SPG11: variants seen among roughly 807,000 people sequenced by gnomAD.
SPG11 encodes SPG11 vesicle trafficking associated, spatacsin, also known as spatacsin.
In SPG11, 222 loss-of-function variants were observed where a neutral mutation model predicts 274.0. The observed-to-expected ratio is 0.81, with a 90% CI of 0.73 to 0.91. The LOEUF (loss-of-function observed/expected upper bound fraction) is 0.91. Among genes scored for constraint, SPG11 ranks in the 40% least tolerant of loss-of-function variants. The pLI is 0.00. For missense variants in SPG11, 3,114 were observed against 2,872.7 expected (o/e 1.08, Z -1.92); for synonymous variants, 1,144 against 1,039.7 (o/e 1.10, Z -1.93).
At chr15:44,634,467 A>C (rs916339743) in intron 7 of SPG11, among the ~76,000 whole-genome samples, 11 of 149,944 alleles carry the variant, frequency 7.3e-5, no homozygotes, top group Non-Finnish European at 1.3e-4. Context: ...TGTATTTTTA[A>C]TAGACGGGTT....
At chr15:44,622,470 A>G (rs2083781041) in intron 12 of SPG11, 123 bp from the exon 13 acceptor site, 1 of 839,352 alleles carries the variant, frequency 1.2e-6, no homozygotes, top group South Asian at 1.7e-5. Context: ...AAGTCATGAG[A>G]TAATATGCCA....
chr15:44,566,244 C>T lies in SPG11; in HGVS notation c.6816G>A (p.Met2272Ile). 6.2e-7 allele frequency: 1 copy of T among 1,614,238 alleles called. No individual in the cohort carries two copies. Among genetic ancestry groups the T allele is most frequent in the Non-Finnish European group, 8.5e-7 (1 of 1,180,042 alleles). ...TGGCATAACTCTCTGCTGCATCCAACATCAGAGTCAGGGCCTTCAGCAGCA... is the reference window on the plus strand; with the variant it reads ...TGGCATAACTCTCTGCTGCATCCAATATCAGAGTCAGGGCCTTCAGCAGCA... ...KQLLLKALTL[M>I]LDAAESYAKD... is the part of the protein sequence containing the mutation. The change falls in exon 37 of 40, where the codon ATG becomes ATA. Residue 2272 changes from methionine to isoleucine, a missense_variant. Met to Ile is a conservative substitution (Grantham distance 10). Coordinates refer to ENST00000261866, the MANE Select transcript of SPG11 (RefSeq NM_025137.4).
At chr15:44,639,607 TG>T (rs2084381963) in intron 7 of SPG11, among the ~76,000 whole-genome samples, 1 of 151,762 alleles carries the variant, frequency 6.6e-6, no homozygotes, top group Non-Finnish European at 1.5e-5. Context: ...GAGGCTCACA[TG>T]GGGGTATCCC....
At position 44,586,101 on chromosome 15, in the gene SPG11, C is replaced by T. The variant is rs558801636; in HGVS notation, c.4907-251G>A. On this transcript the variant is annotated intron_variant, in intron 28 of 39. Transcript: ENST00000261866. ...CTGGGTTCAAGGGATCCTCCTGCCT[C>T]GGCCTCCTGAGTAGTGGGGACTACA... Among the ~76,000 whole-genome samples, 3 of 150,344 alleles carry T rather than the reference C, an allele frequency of 2.0e-5. No homozygotes were observed. The South Asian group carries it at 6.3e-4, about 32-fold the overall frequency.
In SPG11 at chr15:44,600,682, AT is replaced by A. The variant is rs752239484; in HGVS notation, c.3521-51del. The A allele has an allele frequency of 2.3e-5, 36 of 1,585,712 alleles. No individual in the cohort carries two copies. The East Asian group carries it at 7.6e-4, about 33-fold the overall frequency. The stretch of plus-strand genomic sequence containing the variant: ...AATTATCTGTATATCACCATAATTA[AT>A]TTCAGATTTGCACATGGAACTCTCT... On this transcript the variant is annotated intron_variant, in intron 20 of 39. Coordinates refer to ENST00000261866, the MANE Select transcript of SPG11 (RefSeq NM_025137.4).
intron 17 of SPG11, among the ~76,000 whole-genome samples, 195 bp from the exon 18 acceptor site, chr15:44,611,180 A>T (rs1287678714): frequency 6.6e-6 from 1 of 151,864 alleles, no homozygotes. Context: ...AGATTTGTCT[A>T]CATAAAAATA....
intron 4 of SPG11, among the ~76,000 whole-genome samples, chr15:44,656,041 A>C (rs768620100): frequency 3.3e-5 from 5 of 152,174 alleles, no homozygotes; most frequent in Non-Finnish European, 7.4e-5. Flanking sequence ...AAAGGCCCCT[A>C]AGAAGGATGG....
chr15:44,564,786 C>T, intron 38 of SPG11, 88 bp from the exon 39 acceptor site: 1 of 1,357,426 alleles, frequency 7.4e-7, no homozygotes, highest in South Asian at 1.2e-5. Context: ...ATACTGTATA[C>T]TCACTCATGT....
Position 44,651,791 on chromosome 15 carries a change from A to C in SPG11, c.1156T>G (p.Phe386Val). 1.2e-6 allele frequency: 2 copies of C among 1,614,186 alleles called. No homozygotes were observed. Among genetic ancestry groups the C allele is most frequent in the Non-Finnish European group, 1.7e-6 (2 of 1,180,032 alleles). Residue 386 changes from phenylalanine to valine, a missense_variant, in exon 6 of 40, where the codon TTC (phenylalanine) becomes GTC (valine). Phe to Val is a conservative substitution (Grantham distance 50, BLOSUM62 -1). Coordinates refer to ENST00000261866, the MANE Select transcript of SPG11 (RefSeq NM_025137.4). ...CCATGCATTATGTCCTGTGGAATGA[A>C]GGCCCAGCTCTGCACACTTGTACTG... ...NHSTSVQSWA[F>V]IPQDIMHGQY...
At chr15:44,654,799 G>A (rs1213401205) in intron 4 of SPG11, among the ~76,000 whole-genome samples, 1 of 151,882 alleles carries the variant, frequency 6.6e-6, no homozygotes, top group South Asian at 2.1e-4. Flanking sequence ...TTGCACCATT[G>A]CGCTCCATCC....
chr15:44,611,854 A>G (rs1008056533), intron 17 of SPG11, among the ~76,000 whole-genome samples: 1 of 113,496 alleles, frequency 8.8e-6, no homozygotes, highest in Non-Finnish European at 1.6e-5. Flanking sequence ...TCTCTCACCC[A>G]GGCTGGAGTG....
chr15:44,654,392 C>G (rs942739326), intron 4 of SPG11, among the ~76,000 whole-genome samples: 1 of 152,126 alleles, frequency 6.6e-6, no homozygotes, highest in Admixed American at 6.5e-5. Flanking sequence ...CCTATAATCC[C>G]AGCTACTTGG....
intron 4 of SPG11, among the ~76,000 whole-genome samples, chr15:44,652,706 G>A (rs2084821916): frequency 6.6e-6 from 1 of 150,856 alleles, no homozygotes; most frequent in South Asian, 2.1e-4. Context: ...CCAGGCTGGA[G>A]TGCAGTGGCG....
chr15:44,659,210 G>T lies in SPG11; in HGVS notation c.536C>A (p.Pro179His), dbSNP rs144167846. Reference protein sequence around the residue: ...NKCVILHIIFPERDAAIRVLN... With the variant: ...NKCVILHIIFHERDAAIRVLN... ...TACTCTAATTGCAGCATCTCTTTCA[G>T]GAAATATAATATGTAGGATGACACA... is the stretch of plus-strand genomic sequence containing the variant. Residue 179 changes from proline to histidine, a missense_variant, in exon 3 of 40, where the codon CCT becomes CAT. By Grantham distance (77) the Pro-to-His change is moderately conservative. Coordinates refer to ENST00000261866, the MANE Select transcript of SPG11 (RefSeq NM_025137.4). 3.7e-6 allele frequency: 6 copies of T among 1,614,026 alleles called. No homozygotes were observed. Among genetic ancestry groups the T allele is most frequent in the Non-Finnish European group, 5.1e-6 (6 of 1,180,000 alleles).
Position 44,629,227 on chromosome 15 carries a change from T to C in SPG11, c.1891+6A>G. The stretch of plus-strand genomic sequence containing the variant: ...GAATTGCCCCCTTCCTAGCTGCTAT[T>C]CTTACCTTCAGTGTGAATGAAAAGC... On this transcript the variant is annotated splice_donor_region_variant and intron_variant, in intron 9 of 39. Transcript: ENST00000261866. 1 of 1,613,908 alleles carries C rather than the reference T, an allele frequency of 6.2e-7. No homozygotes were observed. The highest frequency in any genetic ancestry group is 8.5e-7 in the Non-Finnish European group (1 of 1,179,810).
chr15:44,604,522 T>C (rs1243244414), intron 20 of SPG11, among the ~76,000 whole-genome samples: 1 of 152,214 alleles, frequency 6.6e-6, no homozygotes, highest in East Asian at 1.9e-4. Flanking sequence ...AATTTTACTC[T>C]GGCCTGGTGC....
At chr15:44,564,261 G>C (rs2082264423) in intron 39 of SPG11, among the ~76,000 whole-genome samples, 2 of 152,200 alleles carry the variant, frequency 1.3e-5, no homozygotes, top group African/African-American at 4.8e-5. Flanking sequence ...CCATAGTGCT[G>C]GGATTACAGG....
rs767776590 is a variant in SPG11 at position 44,584,029 on chromosome 15, C to A, written c.5651G>T (p.Arg1884Leu). 4 of 1,614,080 alleles carry A rather than the reference C, an allele frequency of 2.5e-6. No homozygotes were observed. Among genetic ancestry groups the A allele is most frequent in the Non-Finnish European group, 3.4e-6 (4 of 1,180,036 alleles). ...EQESLNFLIGRLLDDGCVHEA... is the reference protein window; with the variant it reads ...EQESLNFLIGLLLDDGCVHEA... ...ATGCACACAGCCATCATCCAGTAGG[C>A]GCCCAATCAAAAAGTTTAGTGACTC... The change falls in exon 30 of 40, where the codon CGC becomes CTC. Residue 1884 changes from arginine to leucine, a missense_variant. Physicochemically the swap from Arg to Leu is moderately radical, Grantham distance 102 (BLOSUM62 -2). Coordinates refer to ENST00000261866, the MANE Select transcript of SPG11 (RefSeq NM_025137.4).
At chr15:44,620,141 T>C (rs2083700354) in intron 15 of SPG11, 49 bp downstream of exon 15, 1 of 1,427,034 alleles carries the variant, frequency 7.0e-7, no homozygotes, top group African/African-American at 1.4e-5. Flanking sequence ...TTTTTCTTGC[T>C]CTTCCCTTGT....
Sources: allele counts gnomAD v4.1 joint callset (sites outside exome capture counted in the v4.1 genomes callset), GRCh38; gene constraint gnomAD v4.1.1; transcripts MANE v1.5; gene names NCBI Gene and HGNC (gene_info 2026-07-23, HGNC 2026-07-21).